Variants in TENM3 observed in about 807,000 individuals in gnomAD.
The protein encoded by TENM3 is teneurin transmembrane protein 3.
Under a neutral mutation model 255.1 loss-of-function variants are expected in TENM3, and 63 were observed. The ratio of observed to expected loss-of-function variants is 0.25; its 90% CI spans 0.20 to 0.30. The LOEUF (loss-of-function observed/expected upper bound fraction) is 0.30, where lower values mean the gene tolerates loss of function less well. TENM3 is among the 10% of genes least tolerant of loss of function. The pLI, the probability that TENM3 is intolerant of heterozygous loss-of-function variation, is 1.00. For synonymous variants in TENM3, 1,306 were observed against 1,322.3 expected (o/e 0.99, Z 0.27); for missense variants, 2,929 against 3,461.1 (o/e 0.85, Z 3.86).
chr4:182,547,548 C>A (rs529672833), intron 3 of TENM3, among the ~76,000 whole-genome samples: 4 of 152,194 alleles, frequency 2.6e-5, no homozygotes, highest in Admixed American at 2.6e-4. Context: ...ACGTCACCTC[C>A]GCCCCATCCC....
the TENM3 span, among the ~76,000 whole-genome samples, chr4:182,130,469 G>A: frequency 6.6e-6 from 1 of 152,134 alleles, no homozygotes; most frequent in Non-Finnish European, 1.5e-5. Flanking sequence ...ATTGTACTAT[G>A]TGTTTAAGTG....
the TENM3 span, among the ~76,000 whole-genome samples, chr4:181,729,171 A>C: frequency 6.6e-6 from 1 of 152,192 alleles, no homozygotes; most frequent in African/African-American, 2.4e-5. Context: ...TGTGTGATTC[A>C]TTTTGCATTT....
the TENM3 span, among the ~76,000 whole-genome samples, chr4:181,708,576 T>A: frequency 1.3e-4 from 19 of 151,786 alleles, no homozygotes; most frequent in East Asian, 5.8e-4. Flanking sequence ...CTGAAGGATT[T>A]TTTTTTTTTT....
chr4:181,789,466 A>G, the TENM3 span, among the ~76,000 whole-genome samples: 1 of 151,928 alleles, frequency 6.6e-6, no homozygotes, highest in Non-Finnish European at 1.5e-5. Flanking sequence ...CATGTTGGCC[A>G]GGCTGGTCTT....
the TENM3 span, among the ~76,000 whole-genome samples, chr4:181,724,889 G>A: frequency 6.6e-6 from 1 of 152,110 alleles, no homozygotes; most frequent in Non-Finnish European, 1.5e-5. Flanking sequence ...TCTGTCTGAG[G>A]GATAAAGGCC....
the TENM3 span, among the ~76,000 whole-genome samples, chr4:181,492,418 A>G: frequency 3.3e-5 from 5 of 152,218 alleles, no homozygotes; most frequent in African/African-American, 1.2e-4. Flanking sequence ...GACAGTACAG[A>G]AACATAAATG....
chr4:182,376,637 C>T lies in TENM3; in HGVS notation c.511+29708C>T, dbSNP rs1767195308. Reference sequence around the variant, plus strand: ...AGATAAAGACAGTCATGTTGGGTGTCACCAAGCATTGGAGCAGCAACGTGG... The same window carrying T: ...AGATAAAGACAGTCATGTTGGGTGTTACCAAGCATTGGAGCAGCAACGTGG... On this transcript the variant is annotated intron_variant, in intron 3 of 27. Transcript: ENST00000511685. 1.3e-5 allele frequency among the ~76,000 whole-genome samples: 2 copies of T among 152,054 alleles called. 1 individual carries two copies. The highest frequency in any genetic ancestry group is 4.1e-4 in the South Asian group (2 of 4,822).
intron 4 of TENM3, among the ~76,000 whole-genome samples, chr4:182,621,398 G>C (rs1273929438): frequency 6.6e-6 from 1 of 151,016 alleles, no homozygotes; most frequent in Non-Finnish European, 1.5e-5. Flanking sequence ...AATCTCAAAA[G>C]TACCTCTTCT....
At chr4:181,449,828 T>A in the TENM3 span, among the ~76,000 whole-genome samples, 1 of 152,108 alleles carries the variant, frequency 6.6e-6, no homozygotes, top group African/African-American at 2.4e-5. Flanking sequence ...CAACATATGA[T>A]TAAGAAAGGA....
intron 3 of TENM3, among the ~76,000 whole-genome samples, chr4:182,489,711 A>G (rs1459554946): frequency 1.3e-5 from 2 of 152,054 alleles, no homozygotes; most frequent in East Asian, 3.9e-4. Flanking sequence ...TGTGCTCCTT[A>G]AGCAAAACAT....
the TENM3 span, among the ~76,000 whole-genome samples, chr4:182,120,090 TGC>T: frequency 0.14 from 19,580 of 141,028 alleles, 1,524 homozygotes; most frequent in Non-Finnish European, 0.18. Context: ...CATGCGTGCG[TGC>T]GCGCACACAC....
At chr4:181,861,868 T>A in the TENM3 span, among the ~76,000 whole-genome samples, 1 of 152,182 alleles carries the variant, frequency 6.6e-6, no homozygotes, top group Non-Finnish European at 1.5e-5. Flanking sequence ...TCTGTTAACA[T>A]ACAATTAGTA....
chr4:181,448,591 G>A, the TENM3 span, among the ~76,000 whole-genome samples: 8 of 152,294 alleles, frequency 5.3e-5, no homozygotes, highest in South Asian at 4.1e-4. Flanking sequence ...CAAGTGTGTC[G>A]TGAACTACGT....
At chr4:181,919,405 G>GTGTGTGT in the TENM3 span, among the ~76,000 whole-genome samples, 2 of 150,792 alleles carry the variant, frequency 1.3e-5, no homozygotes, top group South Asian at 4.2e-4. Flanking sequence ...GTGTGTGTCT[G>GTGTGTGT]GTGTATTGGG....
chr4:182,002,378 G>C, the TENM3 span, among the ~76,000 whole-genome samples: 6 of 152,088 alleles, frequency 3.9e-5, no homozygotes, highest in Admixed American at 2.0e-4. Context: ...AAGTCCTTGT[G>C]GCTCCTTGCA....
At chr4:182,611,135 C>T (rs181250003) in intron 4 of TENM3, among the ~76,000 whole-genome samples, 1 of 152,150 alleles carries the variant, frequency 6.6e-6, no homozygotes, top group African/African-American at 2.4e-5. Context: ...GATGACAGGT[C>T]TCCAAATATA....
rs370337500 is a variant in TENM3, at chr4:182,760,200, C to T, written c.4892+4941C>T. On this transcript the variant is annotated intron_variant, in intron 22 of 27. Coordinates refer to ENST00000511685, the MANE Select transcript of TENM3 (RefSeq NM_001080477.4). Reference sequence around the variant, plus strand: ...GACCGCTTCATGCTGCTCTTCACACCACTTAAAAACAGTGGCCACACGCGA... The same window carrying T: ...GACCGCTTCATGCTGCTCTTCACACTACTTAAAAACAGTGGCCACACGCGA... Among the ~76,000 whole-genome samples the T allele has an allele frequency of 2.6e-5, 4 of 152,272 alleles. No individual in the cohort carries two copies. The East Asian group carries it at 7.7e-4, about 29-fold the overall frequency.
intron 22 of TENM3, among the ~76,000 whole-genome samples, chr4:182,757,051 A>G (rs1231591289): frequency 6.6e-6 from 1 of 152,090 alleles, no homozygotes; most frequent in Middle Eastern, 3.4e-3. Flanking sequence ...GGTGGCTCAC[A>G]CCTGTAATCC....
chr4:182,349,737 G>T, intron 3 of TENM3: 1 of 226,358 alleles, frequency 4.4e-6, no homozygotes, highest in South Asian at 5.1e-5. Context: ...CTATCTTCAG[G>T]TGTTTTTAAT....
Sources: allele counts gnomAD v4.1 joint callset (sites outside exome capture counted in the v4.1 genomes callset), GRCh38; gene constraint gnomAD v4.1.1; transcripts MANE v1.5; gene names NCBI Gene and HGNC (gene_info 2026-07-23, HGNC 2026-07-21).